Variants in KCNIP4 observed in about 807,000 individuals in gnomAD.
KCNIP4 encodes the protein Kv channel-interacting protein 4.
Under a neutral mutation model 34.0 loss-of-function variants are expected in KCNIP4, and 12 were observed. That is an observed-to-expected ratio of 0.35 (90% confidence interval 0.23 to 0.57). The LOEUF is 0.57. Ranked by LOEUF, KCNIP4 falls within the 20% of genes least tolerant of loss-of-function variation. The pLI, the probability that KCNIP4 is intolerant of heterozygous loss-of-function variation, is 0.83. For missense variants in KCNIP4, 238 were observed against 311.7 expected (o/e 0.76, Z 1.78); for synonymous variants, 124 against 102.2 (o/e 1.21, Z -1.29).
chr4:21,943,522 AGAGT>A (rs1328738713), intron 1 of KCNIP4, among the ~76,000 whole-genome samples: 1 of 152,178 alleles, frequency 6.6e-6, no homozygotes, highest in Non-Finnish European at 1.5e-5. Context: ...CCTGGGCAAC[AGAGT>A]GAGACTCTGA....
intron 1 of KCNIP4, among the ~76,000 whole-genome samples, chr4:21,539,913 A>G (rs1362864789): frequency 2.0e-5 from 3 of 151,668 alleles, no homozygotes; most frequent in African/African-American, 4.8e-5. Flanking sequence ...GGGAGGTGGC[A>G]GTTGCAGTGA....
chr4:21,799,156 C>G (rs963517251), intron 1 of KCNIP4, among the ~76,000 whole-genome samples: 3 of 152,094 alleles, frequency 2.0e-5, no homozygotes, highest in Non-Finnish European at 4.4e-5. Context: ...TTACAGAGCT[C>G]TTACTAGGCA....
intron 1 of KCNIP4, among the ~76,000 whole-genome samples, chr4:21,508,541 C>A (rs1418319465): frequency 3.3e-5 from 5 of 152,338 alleles, no homozygotes; most frequent in Middle Eastern, 3.4e-3. Flanking sequence ...AGATTTTGCT[C>A]AGATTAGCTA....
chr4:21,789,403 G>A (rs572932369), intron 1 of KCNIP4, among the ~76,000 whole-genome samples: 3 of 152,190 alleles, frequency 2.0e-5, no homozygotes, highest in African/African-American at 4.8e-5. Context: ...AACCTCTTTT[G>A]CTTTAGTCTG....
At chr4:20,773,230 A>T (rs1335667605) in intron 3 of KCNIP4, among the ~76,000 whole-genome samples, 1 of 152,150 alleles carries the variant, frequency 6.6e-6, no homozygotes, top group Non-Finnish European at 1.5e-5. Flanking sequence ...ATCATCACTC[A>T]TTTATGCAGG....
chr4:20,822,802 T>A (rs1234647007), intron 3 of KCNIP4, among the ~76,000 whole-genome samples: 1 of 152,094 alleles, frequency 6.6e-6, no homozygotes, highest in East Asian at 1.9e-4. Flanking sequence ...ATACCCAGTG[T>A]GTTGGTATTA....
At chr4:21,493,959 T>C (rs958659393) in intron 1 of KCNIP4, among the ~76,000 whole-genome samples, 3 of 152,234 alleles carry the variant, frequency 2.0e-5, no homozygotes, top group African/African-American at 7.2e-5. Context: ...TTCCATCCTA[T>C]TACAGTTTTA....
intron 1 of KCNIP4, among the ~76,000 whole-genome samples, chr4:21,185,072 C>A (rs992976047): frequency 1.3e-5 from 2 of 152,136 alleles, no homozygotes; most frequent in Non-Finnish European, 2.9e-5. Flanking sequence ...CTACGTATAA[C>A]TTCTAGAAAG....
rs1442298375 is a variant in KCNIP4 at position 21,471,461 on chromosome 4, A to C, written c.61+477110T>G. Reference sequence around the variant, plus strand: ...AATAATAATTAGCAAATTTTATCGGAATCTTTATCTCTGTATTTCAGTTCT... The same window carrying C: ...AATAATAATTAGCAAATTTTATCGGCATCTTTATCTCTGTATTTCAGTTCT... On this transcript the variant is annotated intron_variant, in intron 1 of 8. Transcript: ENST00000382152. 3.3e-5 allele frequency among the ~76,000 whole-genome samples: 5 copies of C among 152,158 alleles called. No homozygotes were observed. In the South Asian group the frequency reaches 6.2e-4, roughly 19 times the overall value.
At chr4:20,749,630 G>A (rs1393110246) in intron 5 of KCNIP4, 32 bp downstream of exon 5, 2 of 1,468,468 alleles carry the variant, frequency 1.4e-6, no homozygotes, top group Admixed American at 1.7e-5. Context: ...ACTCTAAATA[G>A]TCAAATGATA....
At chr4:20,977,943 C>T (rs1735648241) in intron 1 of KCNIP4, among the ~76,000 whole-genome samples, 1 of 152,154 alleles carries the variant, frequency 6.6e-6, no homozygotes. Flanking sequence ...AGCTGTCTGG[C>T]CTCTAACCAA....
intron 1 of KCNIP4, among the ~76,000 whole-genome samples, chr4:21,654,497 GTT>G (rs74402567): frequency 1.4e-5 from 2 of 144,432 alleles, no homozygotes; most frequent in Non-Finnish European, 3.0e-5. Context: ...TGATTAAAAT[GTT>G]TTTTTTTTTT....
At chr4:20,915,084 A>C (rs1459071150) in intron 1 of KCNIP4, among the ~76,000 whole-genome samples, 1 of 152,200 alleles carries the variant, frequency 6.6e-6, no homozygotes, top group Non-Finnish European at 1.5e-5. Context: ...TCTCTCTCCA[A>C]ATGACTGTTT....
At chr4:21,519,500 GTGTATGTGTATATACACATATGTGTGTA>G (rs1735165360) in intron 1 of KCNIP4, among the ~76,000 whole-genome samples, 2 of 33,854 alleles carry the variant, frequency 5.9e-5, no homozygotes, top group African/African-American at 2.5e-4. Context: ...ATGTGTGTAT[GTGTATGTGTATATACACATATGTGTGTA>G]TGTGTATGTG....
intron 1 of KCNIP4, among the ~76,000 whole-genome samples, chr4:21,786,884 T>C (rs1161552523): frequency 6.6e-6 from 1 of 152,022 alleles, no homozygotes; most frequent in Non-Finnish European, 1.5e-5. Flanking sequence ...TCTTTTAGCC[T>C]CTATCAGAAA....
At chr4:21,565,666 T>TA (rs1386836350) in intron 1 of KCNIP4, among the ~76,000 whole-genome samples, 1 of 152,162 alleles carries the variant, frequency 6.6e-6, no homozygotes, top group African/African-American at 2.4e-5. Flanking sequence ...TACAGATTTA[T>TA]AGCTATTCAA....
At chr4:20,787,353 T>C (rs904556571) in intron 3 of KCNIP4, among the ~76,000 whole-genome samples, 2 of 152,192 alleles carry the variant, frequency 1.3e-5, no homozygotes, top group African/African-American at 4.8e-5. Context: ...ATTTGAGCAC[T>C]TTGGAGTTGC....
chr4:21,811,594 G>A (rs529498796), intron 1 of KCNIP4, among the ~76,000 whole-genome samples: 2 of 152,246 alleles, frequency 1.3e-5, no homozygotes, highest in Non-Finnish European at 2.9e-5. Flanking sequence ...CTCATATATG[G>A]CCACTGAATT....
intron 1 of KCNIP4, among the ~76,000 whole-genome samples, chr4:21,823,153 T>C (rs1440819821): frequency 6.6e-6 from 1 of 152,152 alleles, no homozygotes; most frequent in Non-Finnish European, 1.5e-5. Flanking sequence ...TCTCACCTTC[T>C]TTCTTTTCTG....
Sources: allele counts gnomAD v4.1 joint callset (sites outside exome capture counted in the v4.1 genomes callset), GRCh38; gene constraint gnomAD v4.1.1; transcripts MANE v1.5; gene names NCBI Gene and HGNC (gene_info 2026-07-23, HGNC 2026-07-21).